INF2: variants seen among roughly 807,000 people sequenced by gnomAD.
The protein encoded by INF2 is inverted formin 2.
A neutral mutation model predicts 123.5 loss-of-function variants in INF2; 43 were observed. That is an observed-to-expected ratio of 0.35 (90% CI 0.27 to 0.45). The LOEUF (loss-of-function observed/expected upper bound fraction) is 0.45. Ranked by LOEUF, INF2 falls within the 20% of genes least tolerant of loss-of-function variation. The pLI is 1.00. For missense variants in INF2, 1,453 were observed against 1,682.7 expected (o/e 0.86, Z 2.39); for synonymous variants, 851 against 745.0 (o/e 1.14, Z -2.32).
At chr14:104,689,333 T>C, upstream of INF2, 1 of 863,142 alleles carries the variant, frequency 1.2e-6, no homozygotes, top group Non-Finnish European at 1.4e-6. Context: ...GGGCGGACAG[T>C]GGGGGCTGAG....
rs1274101210 is a variant in INF2, at chr14:104,689,654, A to G, written c.-95A>G. 1 of 973,862 alleles carries G rather than the reference A, an allele frequency of 1.0e-6. No homozygotes were observed. Among genetic ancestry groups the G allele is most frequent in the Non-Finnish European group, 1.2e-6 (1 of 823,022 alleles). 60.3% of individuals were successfully genotyped at this position (973,862 alleles called of 1,614,324 possible). ...CCGTCCGAGCCTTGCGGAGCGCGGC[A>G]GTGGGCGCCGGCTGCCCGCAGCCCC... On this transcript the variant is annotated 5_prime_UTR_variant, in exon 1 of 23. Coordinates refer to ENST00000392634, the MANE Select transcript of INF2 (RefSeq NM_022489.4).
Position 104,718,896 on chromosome 14 carries a change from C to T in INF2, c.*103C>T. On this transcript the variant is annotated 3_prime_UTR_variant, in exon 23 of 23. Coordinates refer to ENST00000392634, the MANE Select transcript of INF2 (RefSeq NM_022489.4). ...TTCTGGGGGCCAGGCTGGGACTGGGCCCCGGAAACCAAAACTCCGTGCCTT... is the reference window on the plus strand; with the variant it reads ...TTCTGGGGGCCAGGCTGGGACTGGGTCCCGGAAACCAAAACTCCGTGCCTT... The T allele has an allele frequency of 6.4e-7, 1 of 1,556,286 alleles. No homozygotes were observed. Among genetic ancestry groups the T allele is most frequent in the Non-Finnish European group, 8.6e-7 (1 of 1,158,590 alleles).
intron 22 of INF2, 69 bp downstream of exon 22, chr14:104,715,409 C>G: frequency 7.2e-7 from 1 of 1,395,648 alleles, no homozygotes. Context: ...GAGCTTGCTG[C>G]CCACACCCCT....
chr14:104,704,239 A>G, intron 5 of INF2: 9 of 1,293,936 alleles, frequency 7.0e-6, no homozygotes, highest in Non-Finnish European at 9.2e-6. Context: ...CCGTGATCCT[A>G]AGTGAACCAA....
At position 104,707,586 on chromosome 14, in the gene INF2, C is replaced by G; in HGVS notation, c.1319C>G (p.Pro440Arg). The G allele has an allele frequency of 9.2e-7, 1 of 1,083,194 alleles. No individual in the cohort carries two copies. Among genetic ancestry groups the G allele is most frequent in the Non-Finnish European group, 1.2e-6 (1 of 802,468 alleles). The allele number at this position is 1,083,194 out of a possible 1,614,324, so 67.1% of individuals were successfully genotyped here. The change falls in exon 8 of 23, where the codon CCT becomes CGT. Residue 440 changes from proline (P) to arginine (R), a missense_variant. Pro to Arg is a moderately radical substitution (Grantham distance 103, BLOSUM62 -2). Transcript: ENST00000392634. ...LPGSSAEPPP[P>R]PPPPPLPSVG... ...GGTTCCAGTGCCGAGCCCCCTCCCC[C>G]TCCCCCACCACCCCCCCTGCCCAGT... is the stretch of plus-strand genomic sequence containing the variant.
At chr14:104,685,796 G>C (rs1318446237), upstream of INF2, among the ~76,000 whole-genome samples, 1 of 151,132 alleles carries the variant, frequency 6.6e-6, no homozygotes, top group African/African-American at 2.4e-5. Context: ...TGAGTAGGTG[G>C]GTGGATGGGT....
At chr14:104,703,528 T>C in intron 4 of INF2, 74 bp downstream of exon 4, 1 of 1,577,226 alleles carries the variant, frequency 6.3e-7, no homozygotes, top group Non-Finnish European at 8.6e-7. Context: ...TGCATCCACC[T>C]GGGGAGGTGG....
intron 20 of INF2, 144 bp from the exon 21 acceptor site, chr14:104,714,059 G>A: frequency 1.4e-6 from 1 of 709,584 alleles, no homozygotes; most frequent in Admixed American, 2.9e-5. Flanking sequence ...GCTGAGGCCG[G>A]GTCCTGCTCT....
intron 22 of INF2, among the ~76,000 whole-genome samples, chr14:104,717,149 T>C (rs908951750): frequency 6.6e-6 from 1 of 152,214 alleles, no homozygotes; most frequent in Non-Finnish European, 1.5e-5. Context: ...TCTGAGAGTT[T>C]CTTATAAACA....
chr14:104,718,785 T>C lies in INF2; in HGVS notation c.*2-10T>C, dbSNP rs975258353. 3.7e-6 allele frequency: 6 copies of C among 1,613,028 alleles called. No homozygotes were observed. Among genetic ancestry groups the C allele is most frequent in the East Asian group, 2.2e-5 (1 of 44,864 alleles). The stretch of plus-strand genomic sequence containing the variant: ...GCTCCTAATAATGTCATTTTTTCTC[T>C]CTCTTACAGGCCTCAGGCCCAGGCC... On this transcript the variant is annotated splice_polypyrimidine_tract_variant and intron_variant, in intron 22 of 22. Coordinates refer to ENST00000392634, the MANE Select transcript of INF2 (RefSeq NM_022489.4).
At chr14:104,706,223 G>T (rs751594102) in intron 6 of INF2, 47 bp downstream of exon 6, 2 of 1,521,422 alleles carry the variant, frequency 1.3e-6, no homozygotes, top group Admixed American at 4.0e-5. Context: ...AGGGCAGGCT[G>T]TGGCCCTGAG....
intron 1 of INF2, among the ~76,000 whole-genome samples, chr14:104,695,256 C>T (rs1025411811): frequency 3.9e-5 from 6 of 152,154 alleles, no homozygotes; most frequent in African/African-American, 1.4e-4. Context: ...CCAGCCACAG[C>T]CATGGTAGGT....
intron 2 of INF2, among the ~76,000 whole-genome samples, chr14:104,702,743 G>C (rs1352166702): frequency 6.6e-6 from 1 of 152,266 alleles, no homozygotes; most frequent in Non-Finnish European, 1.5e-5. Context: ...GACACCCCCA[G>C]AACTTTCACA....
intron 22 of INF2, chr14:104,715,813 C>T (rs1356230457): frequency 2.2e-6 from 1 of 463,604 alleles, no homozygotes; most frequent in Non-Finnish European, 4.3e-6. Flanking sequence ...GGCGTGGGGC[C>T]TTCTGGGGCA....
At chr14:104,704,184 C>T in intron 5 of INF2, 1 of 1,435,952 alleles carries the variant, frequency 7.0e-7, no homozygotes, top group Non-Finnish European at 9.1e-7. Context: ...ATAGAAAGGA[C>T]AGAATGAGCT....
At chr14:104,709,165 CT>C in intron 10 of INF2, 115 bp from the exon 11 acceptor site, 1 of 764,014 alleles carries the variant, frequency 1.3e-6, no homozygotes, top group Non-Finnish European at 2.2e-6. Flanking sequence ...TGTGTCCCCC[CT>C]GCCCTGGCCA....
At chr14:104,709,524 C>T (rs1889943338) in intron 11 of INF2, 96 bp from the exon 12 acceptor site, 1 of 1,309,140 alleles carries the variant, frequency 7.6e-7, no homozygotes, top group Non-Finnish European at 1.1e-6. Flanking sequence ...CCACAGGGAG[C>T]CATGATGGGC....
rs1404004209 is a variant in INF2, at chr14:104,719,705, C to T, written c.*912C>T. 1 of 142,588 alleles carries T rather than the reference C, an allele frequency of 7.0e-6. No homozygotes were observed. The highest frequency in any genetic ancestry group is 6.7e-5 in the Admixed American group (1 of 14,900). 8.8% of individuals were successfully genotyped at this position (142,588 alleles called of 1,614,324 possible). The stretch of plus-strand genomic sequence containing the variant: ...GCTGGACAGGCCCCGTGTGAACACT[C>T]ACTGTTGAGGGGCCCCCAGGCCCCG... On this transcript the variant is annotated 3_prime_UTR_variant, in exon 23 of 23. Coordinates refer to ENST00000392634, the MANE Select transcript of INF2 (RefSeq NM_022489.4).
intron 2 of INF2, among the ~76,000 whole-genome samples, chr14:104,702,117 C>T (rs917053481): frequency 3.3e-5 from 5 of 152,114 alleles, no homozygotes; most frequent in African/African-American, 9.7e-5. Context: ...GTCAGAGATG[C>T]GAATCCACCC....
Sources: allele counts gnomAD v4.1 joint callset (sites outside exome capture counted in the v4.1 genomes callset), GRCh38; gene constraint gnomAD v4.1.1; transcripts MANE v1.5; gene names NCBI Gene and HGNC (gene_info 2026-07-23, HGNC 2026-07-21).